PIEZO1: variants seen among roughly 807,000 people sequenced by gnomAD.
The protein encoded by PIEZO1 is piezo type mechanosensitive ion channel component 1 (Er blood group).
In PIEZO1, 296 loss-of-function variants were observed where a neutral mutation model predicts 297.2. That is an observed-to-expected ratio of 1.00 (90% CI 0.91 to 1.10). PIEZO1 has a LOEUF of 1.10. Ranked by LOEUF, PIEZO1 falls within the 50% of genes least tolerant of loss-of-function variation. PIEZO1 has a pLI of 0.00. For missense variants in PIEZO1, 5,018 were observed against 3,455.5 expected, an observed-to-expected ratio of 1.45 and a Z score of -11.34; for synonymous variants, 2,427 against 1,507.5, an observed-to-expected ratio of 1.61 and a Z score of -14.13.
At chr16:88,743,275 C>T (rs1056308268) in intron 2 of PIEZO1, 2 of 456,486 alleles carry the variant, frequency 4.4e-6, no homozygotes, top group South Asian at 1.5e-5. Context: ...GACAGCTCAC[C>T]CTTCAGCAGG....
intron 2 of PIEZO1, 104 bp from the exon 3 acceptor site, chr16:88,742,526 G>A: frequency 1.6e-6 from 2 of 1,237,934 alleles, no homozygotes; most frequent in Non-Finnish European, 1.1e-6. Context: ...GAGCCCAGAG[G>A]CCTGAGATGC....
At chr16:88,745,285 C>T (rs1905974813) in intron 2 of PIEZO1, 1 of 152,154 alleles carries the variant, frequency 6.6e-6, no homozygotes, top group Non-Finnish European at 1.5e-5. Flanking sequence ...TGAGAGGAGG[C>T]TCAGGCCAGG....
chr16:88,724,221 G>A (rs867528106), intron 30 of PIEZO1, among the ~76,000 whole-genome samples: 1 of 152,258 alleles, frequency 6.6e-6, no homozygotes, highest in Non-Finnish European at 1.5e-5. Flanking sequence ...AACCCAGGAG[G>A]CTGTGTGAGA....
In PIEZO1 at chr16:88,736,645, G is replaced by A; in HGVS notation, c.1290C>T (p.Ala430=). Residue 430 remains alanine (A), a synonymous_variant, in exon 11 of 51, where the codon GCC becomes GCT. Transcript: ENST00000301015. ...AACCCCCACAGCCGCCTACCATCAT[G>A]GCAATGAGCGCGCACACATAGCTCT... ...MDQSYVCALI[A]MMVWSITYHS... 6.5e-7 allele frequency: 1 copy of A among 1,527,468 alleles called. No individual in the cohort carries two copies. The highest frequency in any genetic ancestry group is 1.2e-5 in the South Asian group (1 of 83,674). The allele number at this position is 1,527,468 out of a possible 1,614,324, so 94.6% of individuals were successfully genotyped here. A position where few individuals can be genotyped will look rare whatever the true frequency, so the allele number is the denominator to read the frequency against.
chr16:88,769,630 G>A (rs1907331352), intron 1 of PIEZO1, among the ~76,000 whole-genome samples: 1 of 152,208 alleles, frequency 6.6e-6, no homozygotes, highest in Non-Finnish European at 1.5e-5. Flanking sequence ...CAAGCCTGGG[G>A]ACCTGCAGCC....
At chr16:88,757,013 T>C (rs1435059061) in intron 1 of PIEZO1, among the ~76,000 whole-genome samples, 3 of 151,936 alleles carry the variant, frequency 2.0e-5, no homozygotes, top group Non-Finnish European at 4.4e-5. Flanking sequence ...GAGATGGAGC[T>C]TGCAGTGAGC....
chr16:88,716,473 T>C lies in PIEZO1; in HGVS notation c.6937A>G (p.Lys2313Glu). Residue 2313 changes from lysine (K) to glutamate (E), a missense_variant, in exon 48 of 51, where the codon AAG becomes GAG. Coordinates refer to ENST00000301015, the MANE Select transcript of PIEZO1 (RefSeq NM_001142864.4). ...FTWNFQRDLA[K>E]GGTVEYANEK... is the part of the protein sequence containing the mutation. ...TTGGCATACTCCACAGTGCCTCCCT[T>C]CGCCAGGTCCCTGGGGGTGGGAACA... The C allele has an allele frequency of 6.5e-7, 1 of 1,547,724 alleles. No homozygotes were observed. The highest frequency in any genetic ancestry group is 8.7e-7 in the Non-Finnish European group (1 of 1,145,410).
chr16:88,733,964 G>GTCCTCCTCCTCC lies in PIEZO1; in HGVS notation c.2259_2270dup (p.Glu753_Glu756dup). The GTCCTCCTCCTCC allele has an allele frequency of 6.6e-7, 1 of 1,523,352 alleles. No individual in the cohort carries two copies. Among genetic ancestry groups the GTCCTCCTCCTCC allele is most frequent in the Middle Eastern group, 1.7e-4 (1 of 5,892 alleles). 94.4% of individuals were successfully genotyped at this position (1,523,352 alleles called of 1,614,324 possible). On this transcript the variant is annotated inframe_insertion, in exon 17 of 51. Transcript: ENST00000301015. ...CCACGCCCAGCCCCTCGTCCCTGGA[G>GTCCTCCTCCTCC]TCCTCCTCCTCCTCCTCCTCCTCCT...
At chr16:88,717,946 G>T (rs975507442) in intron 44 of PIEZO1, 6 of 369,030 alleles carry the variant, frequency 1.6e-5, no homozygotes, top group African/African-American at 1.1e-4. Flanking sequence ...AGCCAGGCCT[G>T]GTGGTGCACA....
rs532893303 is a variant in PIEZO1 at position 88,722,209 on chromosome 16, C to T, written c.4955+9G>A. The T allele has an allele frequency of 2.1e-5, 32 of 1,543,978 alleles. No individual in the cohort carries two copies. Among genetic ancestry groups the T allele is most frequent in the Middle Eastern group, 1.9e-4 (1 of 5,336 alleles). ...GGTGAGGCTGGTGTTGTGCGCGTCC[C>T]GCCCCCACCTGTCCAGGAGCAGCTC... On this transcript the variant is annotated intron_variant, in intron 36 of 50. Transcript: ENST00000301015.
At position 88,733,964 on chromosome 16, in the gene PIEZO1, GTCCTCCTCC is replaced by G. The variant is rs59446030; in HGVS notation, c.2262_2270del (p.Glu754_Glu756del). 5.6e-5 allele frequency: 86 copies of G among 1,523,272 alleles called. No homozygotes were observed. The highest frequency in any genetic ancestry group is 2.2e-4 in the African/African-American group (16 of 72,262). 94.4% of individuals were successfully genotyped at this position (1,523,272 alleles called of 1,614,324 possible). ...CCACGCCCAGCCCCTCGTCCCTGGA[GTCCTCCTCC>G]TCCTCCTCCTCCTCCTGCTGCTGCT... On this transcript the variant is annotated inframe_deletion, in exon 17 of 51. Transcript: ENST00000301015.
intron 29 of PIEZO1, 76 bp from the exon 30 acceptor site, chr16:88,725,156 T>G: frequency 9.7e-7 from 1 of 1,032,706 alleles, no homozygotes. Context: ...GCTCCCGTCT[T>G]GGAGACAGGA....
intron 1 of PIEZO1, among the ~76,000 whole-genome samples, chr16:88,783,343 G>A (rs1908020590): frequency 6.6e-6 from 1 of 152,210 alleles, no homozygotes; most frequent in Admixed American, 6.5e-5. Flanking sequence ...AAAAATACCA[G>A]AAGAAGAAGA....
chr16:88,721,327 G>T lies in PIEZO1; in HGVS notation c.5507C>A (p.Ala1836Asp), dbSNP rs2142764441. The T allele has an allele frequency of 1.9e-6, 3 of 1,546,752 alleles. No individual in the cohort carries two copies. The highest frequency in any genetic ancestry group is 1.7e-4 in the Middle Eastern group (1 of 5,990). ...GAEEGPGVPAATTEDHIQVEA... is the reference protein window; with the variant it reads ...GAEEGPGVPADTTEDHIQVEA... Reference sequence around the variant, plus strand: ...CACCTGAATGTGGTCTTCGGTGGTGGCCGCAGGCACCCCTGGCCCCTCCTC... The same window carrying T: ...CACCTGAATGTGGTCTTCGGTGGTGTCCGCAGGCACCCCTGGCCCCTCCTC... Residue 1836 changes from alanine to aspartate, a missense_variant, in exon 39 of 51, where the codon GCC becomes GAC. By Grantham distance (126) the Ala-to-Asp change is moderately radical. Coordinates refer to ENST00000301015, the MANE Select transcript of PIEZO1 (RefSeq NM_001142864.4).
chr16:88,748,337 T>G, intron 2 of PIEZO1, among the ~76,000 whole-genome samples: 1 of 14,242 alleles, frequency 7.0e-5, no homozygotes, highest in Non-Finnish European at 1.5e-4. Flanking sequence ...GTAGGTGACA[T>G]GTCACAGGAT....
At chr16:88,773,215 C>T (rs926941874) in intron 1 of PIEZO1, among the ~76,000 whole-genome samples, 2 of 152,262 alleles carry the variant, frequency 1.3e-5, no homozygotes, top group African/African-American at 4.8e-5. Context: ...TAACTCCCGG[C>T]GTCACGCCCA....
At chr16:88,732,793 G>A (rs549509011) in intron 19 of PIEZO1, 61 bp from the exon 20 acceptor site, 505 of 1,448,490 alleles carry the variant, frequency 3.5e-4, no homozygotes, top group African/African-American at 8.1e-4. Context: ...GGCCCTGCCC[G>A]GAGCCCACCA....
At position 88,722,867 on chromosome 16, in the gene PIEZO1, C is replaced by T; in HGVS notation, c.4638G>A (p.Glu1546=). ...GGAGCTCCTGTGTGAGGAGGTAGCG[C>T]TCTGCCCGCAGCACGTCGCTCATGG... The part of the protein sequence containing the change: ...HGTMSDVLRA[E]RYLLTQELLQ... The change falls in exon 34 of 51, where the codon GAG becomes GAA. Residue 1546 remains glutamate (E), a synonymous_variant. Coordinates refer to ENST00000301015, the MANE Select transcript of PIEZO1 (RefSeq NM_001142864.4). The T allele has an allele frequency of 6.5e-7, 1 of 1,548,114 alleles. No homozygotes were observed. Among genetic ancestry groups the T allele is most frequent in the South Asian group, 1.2e-5 (1 of 84,052 alleles).
intron 1 of PIEZO1, among the ~76,000 whole-genome samples, chr16:88,768,664 C>T (rs189647853): frequency 1.1e-4 from 16 of 152,356 alleles, no homozygotes; most frequent in Admixed American, 9.8e-4. Flanking sequence ...TCAGCCGCTC[C>T]TCCCTTCTCC....
Sources: gnomAD v4.1 joint callset for allele counts (sites outside exome capture counted in the v4.1 genomes callset) on GRCh38, gnomAD v4.1.1 for gene constraint, MANE v1.5 for transcripts, NCBI Gene and HGNC (gene_info 2026-07-23, HGNC 2026-07-21) for gene names.